The following HID1 variants were observed in gnomAD, a reference collection of about 807,000 sequenced individuals.
HID1 encodes the protein HID1 domain containing.
A neutral mutation model predicts 89.7 loss-of-function variants in HID1; 42 were observed. The observed-to-expected ratio is 0.47, with a 90% CI of 0.37 to 0.61. The LOEUF is 0.61. HID1 is among the 20% of genes least tolerant of loss of function. The pLI, the probability that HID1 is intolerant of heterozygous loss-of-function variation, is 0.00. For synonymous variants in HID1, 442 were observed against 433.8 expected (o/e 1.02, Z -0.24); for missense variants, 854 against 1,039.3 (o/e 0.82, Z 2.45).
chr17:74,953,708 T>C, intron 14 of HID1, 57 bp from the exon 15 acceptor site: 1 of 1,336,798 alleles, frequency 7.5e-7, no homozygotes, highest in East Asian at 2.3e-5. Context: ...CTTCTAGCCC[T>C]TCCTCCACCC....
Position 74,958,613 on chromosome 17 carries a change from C to G in HID1, c.1240+60G>C. 1.4e-5 allele frequency: 22 copies of G among 1,587,422 alleles called. No individual in the cohort carries two copies. Among genetic ancestry groups the G allele is most frequent in the Non-Finnish European group, 1.9e-5 (22 of 1,157,498 alleles). On this transcript the variant is annotated intron_variant, in intron 10 of 18. Transcript: ENST00000425042. The surrounding 1 kb of genome is among the most constrained non-coding windows in gnomAD (Gnocchi z 5.2). ...AGCTCCTGGGAGTCAGGGCAGATAG[C>G]CAGCCCTCCACCTCGCCGCCAGGAA...
In HID1 at chr17:74,970,456, C is replaced by A. The variant is rs142249744; in HGVS notation, c.66+2135G>T. ...TTCATCTGGCCTGCAGCAGAGAATT[C>A]CAAACAGGCAGGATCTGGGAGAGGG... is the stretch of plus-strand genomic sequence containing the variant. On this transcript the variant is annotated intron_variant, in intron 1 of 18. Transcript: ENST00000425042. Among the ~76,000 whole-genome samples the A allele has an allele frequency of 2.6e-5, 4 of 152,270 alleles. No individual in the cohort carries two copies. The East Asian group carries it at 7.7e-4, about 29-fold the overall frequency.
Position 74,959,762 on chromosome 17 carries a change from A to T in HID1, c.1008+119T>A. ...TCACAGTCCTGCCACTATTTCACCT[A>T]GGGTGGCCCCAGCCCACAGAGAGCA... On this transcript the variant is annotated intron_variant, in intron 8 of 18. Transcript: ENST00000425042. This position sits in a 1 kb window ranked among gnomAD's most constrained non-coding sequence, Gnocchi z 4.6. 1.9e-6 allele frequency: 2 copies of T among 1,043,128 alleles called. No homozygotes were observed. Among genetic ancestry groups the T allele is most frequent in the Admixed American group, 3.8e-5 (2 of 52,298 alleles). 64.6% of individuals were successfully genotyped at this position (1,043,128 alleles called of 1,614,324 possible).
chr17:74,967,646 T>C (rs991356054), intron 1 of HID1, among the ~76,000 whole-genome samples: 16 of 151,940 alleles, frequency 1.1e-4, no homozygotes, highest in African/African-American at 3.6e-4. Flanking sequence ...GCCCAGGAGT[T>C]TGAGACCAGC....
At chr17:74,968,167 C>T (rs1259178613) in intron 1 of HID1, among the ~76,000 whole-genome samples, 1 of 152,126 alleles carries the variant, frequency 6.6e-6, no homozygotes, top group Non-Finnish European at 1.5e-5. Context: ...CCTCCCAGAG[C>T]CCCAGGCTTG....
At position 74,954,205 on chromosome 17, in the gene HID1, C is replaced by T. The variant is rs750806193; in HGVS notation, c.1797G>A (p.Met599Ile). ...CAGGGGCAGCGGGGCGGGAGCCCTC[C>T]ATGGAGGTGCCCTCCTGGGAGCCGG... ...SRTGSQEGTS[M>I]EGSRPAAPAE... Residue 599 changes from methionine (M) to isoleucine (I), a missense_variant, in exon 14 of 19, where the codon ATG becomes ATA. Physicochemically the swap from Met to Ile is conservative, Grantham distance 10. Transcript: ENST00000425042. The T allele has an allele frequency of 1.2e-6, 2 of 1,600,754 alleles. No homozygotes were observed. Among genetic ancestry groups the T allele is most frequent in the Non-Finnish European group, 1.7e-6 (2 of 1,175,020 alleles).
intron 12 of HID1, chr17:74,957,853 T>C (rs1305283648): frequency 1.5e-5 from 6 of 395,404 alleles, no homozygotes; most frequent in Non-Finnish European, 2.9e-5. Context: ...TGAGCTGAGA[T>C]GGTGCCACTG....
Position 74,953,765 on chromosome 17 carries a change from C to G in HID1, c.1865-114G>C. ...TTACTCCTGCTTCCCTCTGGAACCTCCACCGGCTCTAGAGGCAGTGTCTGA... is the reference window on the plus strand; with the variant it reads ...TTACTCCTGCTTCCCTCTGGAACCTGCACCGGCTCTAGAGGCAGTGTCTGA... On this transcript the variant is annotated intron_variant, in intron 14 of 18. Coordinates refer to ENST00000425042, the MANE Select transcript of HID1 (RefSeq NM_030630.3). The G allele has an allele frequency of 6.2e-6, 5 of 801,956 alleles. No individual in the cohort carries two copies. In the South Asian group the frequency reaches 8.0e-5, roughly 13 times the overall value. The allele number at this position is 801,956 out of a possible 1,614,324, so 49.7% of individuals were successfully genotyped here.
intron 13 of HID1, 189 bp from the exon 14 acceptor site, chr17:74,954,554 G>A: frequency 1.0e-6 from 1 of 979,470 alleles, no homozygotes; most frequent in Middle Eastern, 3.3e-4. Context: ...TGCCCACTAT[G>A]GCTATCCCAG....
chr17:74,953,455 C>G, intron 15 of HID1, 90 bp downstream of exon 15: 1 of 1,038,110 alleles, frequency 9.6e-7, no homozygotes, highest in Non-Finnish European at 1.4e-6. Flanking sequence ...GCAGGTGACC[C>G]CAGAGTGCCC....
Position 74,962,943 on chromosome 17 carries a change from T to TG in HID1, c.504+21dup. On this transcript the variant is annotated intron_variant, in intron 4 of 18. Transcript: ENST00000425042. The surrounding 1 kb of genome is among the most constrained non-coding windows in gnomAD (Gnocchi z 4.3). ...GACCAGAGCCTACTCCGCCTGGGGGTGGGGGGCTGGGGGACACTCACCACA... is the reference window on the plus strand; with the variant it reads ...GACCAGAGCCTACTCCGCCTGGGGGTGGGGGGGCTGGGGGACACTCACCACA... The TG allele has an allele frequency of 6.5e-7, 1 of 1,539,774 alleles. No homozygotes were observed.
At chr17:74,964,671 G>A (rs1277036068) in intron 1 of HID1, 39 bp from the exon 2 acceptor site, 2 of 1,588,774 alleles carry the variant, frequency 1.3e-6, no homozygotes, top group Admixed American at 1.8e-5. Flanking sequence ...CACAACTCCT[G>A]GCCAGAGGGC....
intron 14 of HID1, 144 bp from the exon 15 acceptor site, chr17:74,953,795 T>C: frequency 1.5e-6 from 1 of 687,874 alleles, no homozygotes; most frequent in South Asian, 1.8e-5. Context: ...GTCTGATCAC[T>C]GTAACGCCCT....
chr17:74,971,722 G>A (rs73365019), intron 1 of HID1, among the ~76,000 whole-genome samples: 2,630 of 152,316 alleles, frequency 0.017, 69 homozygotes, highest in African/African-American at 0.059. Context: ...AAAGCCAGGA[G>A]AGAAGGGGTG....
In HID1 at chr17:74,959,130, A is replaced by C; in HGVS notation, c.1009-79T>G. 2 of 1,417,120 alleles carry C rather than the reference A, an allele frequency of 1.4e-6. No homozygotes were observed. The highest frequency in any genetic ancestry group is 1.9e-6 in the Non-Finnish European group (2 of 1,076,498). 87.8% of individuals were successfully genotyped at this position (1,417,120 alleles called of 1,614,324 possible). On this transcript the variant is annotated intron_variant, in intron 8 of 18. Coordinates refer to ENST00000425042, the MANE Select transcript of HID1 (RefSeq NM_030630.3). This position sits in a 1 kb window ranked among gnomAD's most constrained non-coding sequence, Gnocchi z 4.6. ...GTTTCCCAGCCCAGGCCCCCAACAA[A>C]TCCCCCCCTCCATCCCCCAGAGCCA... is the stretch of plus-strand genomic sequence containing the variant.
At chr17:74,952,911 C>G (rs1598614762) in intron 16 of HID1, 95 bp downstream of exon 16, 1 of 936,644 alleles carries the variant, frequency 1.1e-6, no homozygotes, top group East Asian at 2.8e-5. Flanking sequence ...CTTCACTGAG[C>G]TTCCCTGGGC....
At position 74,962,501 on chromosome 17, in the gene HID1, G is replaced by A. The variant is rs1321544055; in HGVS notation, c.505-161C>T. On this transcript the variant is annotated intron_variant, in intron 4 of 18. Coordinates refer to ENST00000425042, the MANE Select transcript of HID1 (RefSeq NM_030630.3). The surrounding 1 kb of genome is among the most constrained non-coding windows in gnomAD (Gnocchi z 4.3). ...AATGGCCTGGCCCTCATGCACAAGA[G>A]CAGGAGTGAATATTCTTAGGCCTCT... Among the ~76,000 whole-genome samples, 5 of 152,196 alleles carry A rather than the reference G, an allele frequency of 3.3e-5. No individual in the cohort carries two copies. Among genetic ancestry groups the A allele is most frequent in the African/African-American group, 1.2e-4 (5 of 41,458 alleles).
rs1386209770 is a variant in HID1 at position 74,953,200 on chromosome 17, A to G, written c.1972-114T>C. ...GGAAATCCCACAAAGGGGAAGGCCC[A>G]GCCCAGCAGCCTTTGCCCCAGGCCC... is the stretch of plus-strand genomic sequence containing the variant. On this transcript the variant is annotated intron_variant, in intron 15 of 18. Transcript: ENST00000425042. The G allele has an allele frequency of 4.3e-6, 4 of 926,784 alleles. No individual in the cohort carries two copies. The African/African-American group carries it at 6.6e-5, about 15-fold the overall frequency. 57.4% of individuals were successfully genotyped at this position (926,784 alleles called of 1,614,324 possible).
At position 74,951,570 on chromosome 17, in the gene HID1, T is replaced by G. The variant is rs1282911716; in HGVS notation, c.2367A>C (p.Ter789CysextTer2). 1 of 1,610,974 alleles carries G rather than the reference T, an allele frequency of 6.2e-7. No individual in the cohort carries two copies. The highest frequency in any genetic ancestry group is 2.2e-5 in the East Asian group (1 of 44,820). ...DVKLFEIQRV[*>C] ...ACTGAGCCCCTCGTCGGCTTCATCC[T>G]CACACCCGCTGTATCTCAAACAGCT... is the stretch of plus-strand genomic sequence containing the variant. The change falls in exon 19 of 19, where the codon TGA becomes TGC. Residue 789 changes from the stop codon to cysteine (C), a stop_lost. Coordinates refer to ENST00000425042, the MANE Select transcript of HID1 (RefSeq NM_030630.3).
Sources: gnomAD v4.1 joint callset for allele counts (sites outside exome capture counted in the v4.1 genomes callset) on GRCh38, gnomAD v4.1.1 for gene constraint, Gnocchi (gnomAD v3.1) non-coding constraint, MANE v1.5 for transcripts, NCBI Gene and HGNC (gene_info 2026-07-23, HGNC 2026-07-21) for gene names.